The following JARID2 variants were observed in gnomAD, a reference collection of about 807,000 sequenced individuals.
JARID2 encodes protein Jumonji.
Under a neutral mutation model 125.6 loss-of-function variants are expected in JARID2, and 21 were observed. That is an observed-to-expected ratio of 0.17 (90% confidence interval 0.12 to 0.24). JARID2 has a LOEUF of 0.24. Ranked by LOEUF, JARID2 falls within the 10% of genes least tolerant of loss-of-function variation. The pLI is 1.00. For missense variants in JARID2, 1,303 were observed against 1,639.6 expected (o/e 0.79, Z 3.55); for synonymous variants, 736 against 661.6 (o/e 1.11, Z -1.73).
intron 5 of JARID2, among the ~76,000 whole-genome samples, chr6:15,470,737 A>G (rs1769035624): frequency 6.6e-6 from 1 of 152,078 alleles, no homozygotes; most frequent in African/African-American, 2.4e-5. Context: ...GGGTGGTTGG[A>G]AGAGAGCTGC....
At chr6:15,300,346 A>C (rs536948615) in intron 1 of JARID2, among the ~76,000 whole-genome samples, 1 of 152,324 alleles carries the variant, frequency 6.6e-6, no homozygotes, top group African/African-American at 2.4e-5. Flanking sequence ...CAAGGAGGGA[A>C]GCGGAGAAGG....
At chr6:15,503,206 T>A (rs985248113) in intron 8 of JARID2, among the ~76,000 whole-genome samples, 2 of 152,232 alleles carry the variant, frequency 1.3e-5, no homozygotes, top group Non-Finnish European at 1.5e-5. Flanking sequence ...ACCGGTGTCC[T>A]GGCTGCTGAC....
chr6:15,288,607 A>G (rs1377137534), intron 1 of JARID2, among the ~76,000 whole-genome samples: 2 of 152,254 alleles, frequency 1.3e-5, no homozygotes, highest in African/African-American at 2.4e-5. Flanking sequence ...TTTATAGTTT[A>G]TATGAAGATA....
At chr6:15,333,055 C>T (rs547126448) in intron 1 of JARID2, among the ~76,000 whole-genome samples, 3 of 151,032 alleles carry the variant, frequency 2.0e-5, no homozygotes, top group African/African-American at 7.3e-5. Flanking sequence ...CCTCAGCCTC[C>T]CGAGTAGCTT....
chr6:15,325,913 A>G (rs1438083515), intron 1 of JARID2, among the ~76,000 whole-genome samples: 1 of 152,242 alleles, frequency 6.6e-6, no homozygotes, highest in Non-Finnish European at 1.5e-5. Context: ...CTTTTGCAGA[A>G]GTGGAAAGCA....
At chr6:15,464,532 C>A (rs1441954500) in intron 4 of JARID2, among the ~76,000 whole-genome samples, 1 of 152,178 alleles carries the variant, frequency 6.6e-6, no homozygotes, top group Non-Finnish European at 1.5e-5. Flanking sequence ...GGAGGACAGT[C>A]AGGCCATATC....
At chr6:15,360,549 C>G (rs191175737) in intron 1 of JARID2, among the ~76,000 whole-genome samples, 5 of 152,146 alleles carry the variant, frequency 3.3e-5, no homozygotes, top group Admixed American at 6.5e-5. Flanking sequence ...GTGGCTCAAT[C>G]ATAGCTCACT....
intron 16 of JARID2, 34 bp from the exon 17 acceptor site, chr6:15,517,127 T>A (rs769931661): frequency 1.9e-6 from 3 of 1,539,864 alleles, no homozygotes; most frequent in Non-Finnish European, 1.8e-6. Flanking sequence ...TGGAGCTGCC[T>A]CCTGACCTTC....
chr6:15,400,836 C>A, intron 2 of JARID2: 1 of 1,272,872 alleles, frequency 7.9e-7, no homozygotes, highest in Non-Finnish European at 1.0e-6. Context: ...TTGCTTATTA[C>A]GTACAGGGGA....
intron 3 of JARID2, among the ~76,000 whole-genome samples, chr6:15,414,756 G>C (rs1766054660): frequency 1.3e-5 from 2 of 151,850 alleles, no homozygotes; most frequent in Non-Finnish European, 2.9e-5. Flanking sequence ...ATTGTGGTGG[G>C]TGAGATTGTT....
At chr6:15,247,354 A>ATT in intron 1 of JARID2, 2 of 856,540 alleles carry the variant, frequency 2.3e-6, no homozygotes, top group African/African-American at 3.7e-5. Context: ...GAATAGTTAA[A>ATT]TTTGTTTTGT....
At chr6:15,420,650 T>G (rs1214158908) in intron 3 of JARID2, among the ~76,000 whole-genome samples, 1 of 152,184 alleles carries the variant, frequency 6.6e-6, no homozygotes, top group Non-Finnish European at 1.5e-5. Flanking sequence ...ACTAAATTTT[T>G]CTCTGGCTGT....
intron 2 of JARID2, among the ~76,000 whole-genome samples, chr6:15,376,603 G>C (rs995328424): frequency 2.0e-5 from 3 of 152,050 alleles, no homozygotes; most frequent in African/African-American, 7.3e-5. Context: ...ACATGCCTCT[G>C]GTCCCAGCTA....
At chr6:15,428,832 G>C (rs546735537) in intron 3 of JARID2, among the ~76,000 whole-genome samples, 3 of 151,792 alleles carry the variant, frequency 2.0e-5, no homozygotes, top group Admixed American at 2.0e-4. Context: ...CTGGAACCCG[G>C]GAGGTAGAGG....
At position 15,520,215 on chromosome 6, in the gene JARID2, C is replaced by T. The variant is rs776457076; in HGVS notation, c.3705C>T (p.Ala1235=). ...TVDVPPSRLS[A]SSSSKSASSS... The stretch of plus-strand genomic sequence containing the variant: ...ACGTGCCCCCCTCCCGTCTGTCAGC[C>T]TCCAGTTCATCCAAAAGTGCTTCGA... Residue 1235 remains alanine (A), a synonymous_variant, in exon 18 of 18, where the codon GCC becomes GCT. Transcript: ENST00000341776. 1.9e-5 allele frequency: 30 copies of T among 1,612,906 alleles called. No homozygotes were observed. The highest frequency in any genetic ancestry group is 2.5e-5 in the Non-Finnish European group (29 of 1,179,522).
intron 2 of JARID2, among the ~76,000 whole-genome samples, chr6:15,401,281 T>C (rs1765423523): frequency 6.6e-6 from 1 of 152,232 alleles, no homozygotes; most frequent in South Asian, 2.1e-4. Context: ...TGTGGAAATT[T>C]ACAAGAGAGA....
intron 1 of JARID2, among the ~76,000 whole-genome samples, chr6:15,282,372 T>A (rs1760786420): frequency 6.6e-6 from 1 of 152,236 alleles, no homozygotes; most frequent in African/African-American, 2.4e-5. Context: ...ATACAGCTTC[T>A]TTGGTTTTTG....
intron 3 of JARID2, among the ~76,000 whole-genome samples, chr6:15,447,163 T>C (rs1767709436): frequency 2.6e-5 from 4 of 152,182 alleles, no homozygotes; most frequent in Admixed American, 2.6e-4. Flanking sequence ...TCACCCCCAC[T>C]GCGCCAACCC....
intron 1 of JARID2, among the ~76,000 whole-genome samples, chr6:15,304,515 G>A (rs1006077693): frequency 2.6e-4 from 39 of 152,086 alleles, no homozygotes; most frequent in African/African-American, 8.9e-4. Context: ...GAAGCAGCCA[G>A]ACAATCATCG....
Sources: allele counts gnomAD v4.1 joint callset (sites outside exome capture counted in the v4.1 genomes callset), GRCh38; gene constraint gnomAD v4.1.1; transcripts MANE v1.5; gene names NCBI Gene and HGNC (gene_info 2026-07-23, HGNC 2026-07-21).